The following ESRRG variants were observed in gnomAD, a reference collection of about 807,000 sequenced individuals.
The protein encoded by ESRRG is estrogen related receptor gamma, also known as estrogen-related receptor gamma.
ESRRG carries 13 observed loss-of-function variants against 44.0 expected under a neutral mutation model. That is an observed-to-expected ratio of 0.30 (90% CI 0.19 to 0.47). ESRRG has a LOEUF of 0.47. Among genes scored for constraint, ESRRG ranks in the 20% least tolerant of loss-of-function variants. The pLI, the probability that ESRRG is intolerant of heterozygous loss-of-function variation, is 1.00. For missense variants in ESRRG, 395 were observed against 580.6 expected (o/e 0.68, Z 3.29); for synonymous variants, 215 against 214.6 (o/e 1.00, Z -0.02).
chr1:216,935,518 G>A (rs2063988201), intron 2 of ESRRG, among the ~76,000 whole-genome samples: 2 of 152,102 alleles, frequency 1.3e-5, no homozygotes, highest in Admixed American at 1.3e-4. Flanking sequence ...GGGGCACGGG[G>A]TTTCCAAGCC....
chr1:216,866,361 T>TA (rs974569266), intron 2 of ESRRG, among the ~76,000 whole-genome samples: 1 of 152,176 alleles, frequency 6.6e-6, no homozygotes, highest in Admixed American at 6.5e-5. Context: ...TTTTAAGGAT[T>TA]GCTCTTATTG....
chr1:216,665,859 T>C (rs983144324), intron 2 of ESRRG, among the ~76,000 whole-genome samples: 8 of 152,202 alleles, frequency 5.3e-5, no homozygotes, highest in Non-Finnish European at 1.2e-4. Flanking sequence ...GGCCGTCACA[T>C]CACTGAAGTC....
chr1:216,911,188 T>G (rs2060258434), intron 2 of ESRRG, among the ~76,000 whole-genome samples: 1 of 152,196 alleles, frequency 6.6e-6, no homozygotes, highest in Non-Finnish European at 1.5e-5. Context: ...TTTATTGCAG[T>G]TTTATTTTTA....
At chr1:216,992,146 A>C (rs551650485) in intron 1 of ESRRG, among the ~76,000 whole-genome samples, 1 of 152,324 alleles carries the variant, frequency 6.6e-6, no homozygotes, top group African/African-American at 2.4e-5. Context: ...CTTCACCTTG[A>C]TCACACATCC....
chr1:216,710,914 C>A (rs947294077), intron 1 of ESRRG, among the ~76,000 whole-genome samples: 1 of 152,190 alleles, frequency 6.6e-6, no homozygotes, highest in Non-Finnish European at 1.5e-5. Flanking sequence ...AACTCCAAGA[C>A]TGACAGTGGG....
intron 1 of ESRRG, among the ~76,000 whole-genome samples, chr1:216,973,548 C>G (rs991676100): frequency 1.3e-5 from 2 of 152,132 alleles, no homozygotes; most frequent in Admixed American, 6.5e-5. Context: ...AACATCTTAA[C>G]ATGAGCAATG....
At chr1:216,673,383 C>G (rs2075556996) in intron 2 of ESRRG, among the ~76,000 whole-genome samples, 2 of 152,346 alleles carry the variant, frequency 1.3e-5, no homozygotes, top group African/African-American at 4.8e-5. Context: ...AGTGTGATGT[C>G]TGATGATGTA....
chr1:216,649,372 T>C (rs939657411), intron 3 of ESRRG, among the ~76,000 whole-genome samples: 1 of 152,070 alleles, frequency 6.6e-6, no homozygotes, highest in South Asian at 2.1e-4. Context: ...CATTCACCAA[T>C]GTGACACTGT....
chr1:216,559,546 C>T (rs2058296120), intron 5 of ESRRG, among the ~76,000 whole-genome samples: 1 of 152,158 alleles, frequency 6.6e-6, no homozygotes, highest in Non-Finnish European at 1.5e-5. Flanking sequence ...TATAACTCAC[C>T]CTTAGTCAAC....
intron 3 of ESRRG, among the ~76,000 whole-genome samples, chr1:216,607,232 A>G (rs2060051715): frequency 6.6e-6 from 1 of 152,182 alleles, no homozygotes; most frequent in Non-Finnish European, 1.5e-5. Flanking sequence ...CACCCCCATG[A>G]CCCTGGCCTG....
In ESRRG at chr1:216,720,724, A is replaced by G. The variant is rs113250888; in HGVS notation, c.56+2520T>C. Among the ~76,000 whole-genome samples, 58 of 152,302 alleles carry G rather than the reference A, an allele frequency of 3.8e-4. 1 individual carries two copies. Among genetic ancestry groups the G allele is most frequent in the Middle Eastern group, 3.4e-3 (1 of 294 alleles). ...AAAAGAAAAAACATGAAAACCCTGA[A>G]ACAGAAAGAGTGAAACATACAAAAT... On this transcript the variant is annotated intron_variant, in intron 1 of 6. Coordinates refer to ENST00000408911, the MANE Select transcript of ESRRG (RefSeq NM_001438.4).
At chr1:217,058,164 G>C (rs2087549535) in intron 1 of ESRRG, among the ~76,000 whole-genome samples, 1 of 152,110 alleles carries the variant, frequency 6.6e-6, no homozygotes, top group South Asian at 2.1e-4. Flanking sequence ...TAAACTCTCT[G>C]AGTTTCTGAG....
chr1:216,956,972 T>G (rs986781873), intron 1 of ESRRG, among the ~76,000 whole-genome samples: 1 of 152,174 alleles, frequency 6.6e-6, no homozygotes, highest in East Asian at 1.9e-4. Context: ...CTTTCAATCT[T>G]AAAGTTATTA....
intron 1 of ESRRG, among the ~76,000 whole-genome samples, chr1:216,953,397 T>C (rs1437714284): frequency 6.6e-6 from 1 of 152,202 alleles, no homozygotes; most frequent in Non-Finnish European, 1.5e-5. Context: ...CCTTTCTTAG[T>C]AATGCAATAG....
intron 1 of ESRRG, among the ~76,000 whole-genome samples, chr1:216,964,727 T>C (rs2150215030): frequency 6.7e-6 from 1 of 149,372 alleles, no homozygotes; most frequent in Non-Finnish European, 1.5e-5. Context: ...TAGTAGTTCT[T>C]TATAAAAGGA....
At chr1:217,035,986 A>T (rs1579865748) in intron 1 of ESRRG, among the ~76,000 whole-genome samples, 1 of 152,224 alleles carries the variant, frequency 6.6e-6, no homozygotes, top group Non-Finnish European at 1.5e-5. Context: ...AACCTAATTT[A>T]AAAAATGGAC....
At chr1:216,614,998 T>G (rs1411164223) in intron 3 of ESRRG, among the ~76,000 whole-genome samples, 1 of 152,220 alleles carries the variant, frequency 6.6e-6, no homozygotes, top group Non-Finnish European at 1.5e-5. Flanking sequence ...TAGGTTATTC[T>G]AGGCGGCTTG....
At chr1:216,535,676 G>A (rs183524933) in intron 5 of ESRRG, among the ~76,000 whole-genome samples, 160 of 151,968 alleles carry the variant, frequency 1.1e-3, no homozygotes, top group African/African-American at 3.8e-3. Context: ...TTTTCTACTT[G>A]GCCCCTCTCC....
intron 3 of ESRRG, among the ~76,000 whole-genome samples, chr1:216,638,475 A>T (rs1305112111): frequency 6.6e-6 from 1 of 152,214 alleles, no homozygotes; most frequent in Non-Finnish European, 1.5e-5. Context: ...CCTTAGTTGC[A>T]TTAGACACAT....
Sources: allele counts gnomAD v4.1 joint callset (sites outside exome capture counted in the v4.1 genomes callset), GRCh38; gene constraint gnomAD v4.1.1; transcripts MANE v1.5; gene names NCBI Gene and HGNC (gene_info 2026-07-23, HGNC 2026-07-21).